LMX1B: variants seen among roughly 807,000 people sequenced by gnomAD.
The protein encoded by LMX1B is LIM homeobox transcription factor 1-beta.
Under a neutral mutation model 51.4 loss-of-function variants are expected in LMX1B, and 12 were observed. The ratio of observed to expected loss-of-function variants is 0.23; its 90% CI spans 0.15 to 0.38. LMX1B has a LOEUF of 0.38. LMX1B is among the 10% of genes least tolerant of loss of function. The probability of loss-of-function intolerance (pLI) is 1.00; values close to 1 mark genes in which losing one functional copy is unlikely to be tolerated. For missense variants in LMX1B, 445 were observed against 571.1 expected (o/e 0.78, Z 2.25); for synonymous variants, 237 against 235.4 (o/e 1.01, Z -0.06).
chr9:126,637,951 G>A (rs373390889), intron 2 of LMX1B, among the ~76,000 whole-genome samples: 2 of 150,934 alleles, frequency 1.3e-5, no homozygotes, highest in South Asian at 2.1e-4. Flanking sequence ...GGCCCCCTCC[G>A]ACCATGGGCC....
At chr9:126,678,249 G>T (rs1452338264) in intron 2 of LMX1B, among the ~76,000 whole-genome samples, 1 of 151,110 alleles carries the variant, frequency 6.6e-6, no homozygotes, top group Non-Finnish European at 1.5e-5. Flanking sequence ...GGTGGAGCTT[G>T]CAGTGAGCCA....
chr9:126,625,779 C>A lies in LMX1B; in HGVS notation c.326+10210C>A, dbSNP rs962776708. On this transcript the variant is annotated intron_variant, in intron 2 of 7. Coordinates refer to ENST00000373474, the MANE Select transcript of LMX1B (RefSeq NM_001174147.2). The surrounding 1 kb of genome is among the most constrained non-coding windows in gnomAD (Gnocchi z 5.3). ...CGGCGCTCTGGCCGCAGAGACCCAG[C>A]CCTGTCTGCCGACTGGCCCTTCGAC... 6.6e-5 allele frequency among the ~76,000 whole-genome samples: 10 copies of A among 152,232 alleles called. No individual in the cohort carries two copies. The highest frequency in any genetic ancestry group is 1.3e-4 in the Non-Finnish European group (9 of 68,034).
Position 126,618,557 on chromosome 9 carries a change from G to C in LMX1B, c.326+2988G>C, listed in dbSNP as rs1043741159. On this transcript the variant is annotated intron_variant, in intron 2 of 7. Transcript: ENST00000373474. This position sits in a 1 kb window ranked among gnomAD's most constrained non-coding sequence, Gnocchi z 4.5. Reference sequence around the variant, plus strand: ...AAAAAAAAGAAAAAGCAGCCTTTTCGGACAGAAAACCAGTTAGGAAACGGA... The same window carrying C: ...AAAAAAAAGAAAAAGCAGCCTTTTCCGACAGAAAACCAGTTAGGAAACGGA... Among the ~76,000 whole-genome samples the C allele has an allele frequency of 5.9e-5, 9 of 152,224 alleles. No individual in the cohort carries two copies. Among genetic ancestry groups the C allele is most frequent in the Middle Eastern group, 3.4e-3 (1 of 294 alleles).
chr9:126,650,351 C>T (rs62578137), intron 2 of LMX1B, among the ~76,000 whole-genome samples: 21,733 of 152,180 alleles, frequency 0.14, 1,943 homozygotes, highest in Middle Eastern at 0.24. Flanking sequence ...TCTGGGAAGC[C>T]GAGACCAGAG....
At chr9:126,614,679 A>G in intron 1 of LMX1B, 91 bp downstream of exon 1, 1 of 1,332,238 alleles carries the variant, frequency 7.5e-7, no homozygotes, top group South Asian at 1.6e-5. Context: ...CAACGGATAA[A>G]GGAAATGGGT....
intron 3 of LMX1B, among the ~76,000 whole-genome samples, chr9:126,691,611 A>C (rs1588305954): frequency 6.7e-6 from 1 of 148,802 alleles, no homozygotes; most frequent in African/African-American, 2.5e-5. Context: ...TCTCTGGCCC[A>C]CCCCCCTTAC....
At chr9:126,627,656 C>G (rs981838090) in intron 2 of LMX1B, among the ~76,000 whole-genome samples, 12 of 152,080 alleles carry the variant, frequency 7.9e-5, no homozygotes, top group Non-Finnish European at 1.5e-5. Context: ...CAGGGCCTGG[C>G]CTTCTGCGTG....
chr9:126,686,279 C>CA (rs5900718), intron 2 of LMX1B, among the ~76,000 whole-genome samples: 2,013 of 93,706 alleles, frequency 0.021, 69 homozygotes, highest in African/African-American at 0.073. Context: ...GACTCCATCT[C>CA]AAAAAAAAAA....
At chr9:126,689,549 A>G (rs1301997990) in intron 2 of LMX1B, among the ~76,000 whole-genome samples, 1 of 152,198 alleles carries the variant, frequency 6.6e-6, no homozygotes, top group East Asian at 1.9e-4. Flanking sequence ...TTTTTCCATC[A>G]AAGTGTTGTT....
In LMX1B at chr9:126,618,037, T is replaced by A. The variant is rs959685299; in HGVS notation, c.326+2468T>A. On this transcript the variant is annotated intron_variant, in intron 2 of 7. Coordinates refer to ENST00000373474, the MANE Select transcript of LMX1B (RefSeq NM_001174147.2). The surrounding 1 kb of genome is among the most constrained non-coding windows in gnomAD (Gnocchi z 4.5). The stretch of plus-strand genomic sequence containing the variant: ...AGGGATGTTCTTTGCACAATAAAAA[T>A]TTTTTTATTCACATTTCTTTTTTTC... Among the ~76,000 whole-genome samples the A allele has an allele frequency of 2.6e-5, 4 of 152,224 alleles. No homozygotes were observed. Among genetic ancestry groups the A allele is most frequent in the South Asian group, 4.1e-4 (2 of 4,820 alleles).
At chr9:126,642,959 C>T (rs1279665764) in intron 2 of LMX1B, among the ~76,000 whole-genome samples, 2 of 152,192 alleles carry the variant, frequency 1.3e-5, no homozygotes, top group Non-Finnish European at 2.9e-5. Context: ...CTCTTCCCAC[C>T]CCCAGTCAGT....
chr9:126,628,632 T>C (rs1835576771), intron 2 of LMX1B, among the ~76,000 whole-genome samples: 1 of 152,244 alleles, frequency 6.6e-6, no homozygotes, highest in African/African-American at 2.4e-5. Flanking sequence ...TACCCCGCCT[T>C]GACTGATAGT....
chr9:126,663,615 T>G (rs952699214), intron 2 of LMX1B, among the ~76,000 whole-genome samples: 3 of 152,210 alleles, frequency 2.0e-5, no homozygotes, highest in Non-Finnish European at 4.4e-5. Context: ...CATACGATGT[T>G]TGGAGTAGTG....
rs1359473203 is a variant in LMX1B, at chr9:126,697,861, T to TTTG, written c.*1413_*1415dup. The TTTG allele has an allele frequency of 2.0e-5, 3 of 153,434 alleles. No individual in the cohort carries two copies. Among genetic ancestry groups the TTTG allele is most frequent in the African/African-American group, 7.6e-5 (3 of 39,288 alleles). 9.5% of individuals were successfully genotyped at this position (153,434 alleles called of 1,614,324 possible). A position where few individuals can be genotyped will look rare whatever the true frequency, so the allele number is the denominator to read the frequency against. The stretch of plus-strand genomic sequence containing the variant: ...ACTGTTTTGTTTTGTTTTGTTTTGT[T>TTTG]TTGTTTTGTTTTGTTTTGTTTTGTT... On this transcript the variant is annotated 3_prime_UTR_variant, in exon 8 of 8. Transcript: ENST00000373474.
At position 126,626,057 on chromosome 9, in the gene LMX1B, G is replaced by A. The variant is rs543908287; in HGVS notation, c.326+10488G>A. On this transcript the variant is annotated intron_variant, in intron 2 of 7. Transcript: ENST00000373474. The surrounding 1 kb of genome is among the most constrained non-coding windows in gnomAD (Gnocchi z 4.3). ...TTGCTCCCCTCATGGACATGGGGGT[G>A]GGGAGCTCGTGGGGTTTCAGCCCAA... Among the ~76,000 whole-genome samples, 71 of 152,250 alleles carry A rather than the reference G, an allele frequency of 4.7e-4. No individual in the cohort carries two copies. The highest frequency in any genetic ancestry group is 8.5e-4 in the Non-Finnish European group (58 of 68,040).
chr9:126,695,848 C>T lies in LMX1B; in HGVS notation c.896C>T (p.Ser299Phe). ...NSQRLGQEVL[S>F]SRMEGMMASY... ...CTCACTGTGCCCCCAGAGGTCCTGT[C>T]CAGCCGCATGGAGGGCATGATGGCT... Residue 299 changes from serine (S) to phenylalanine (F), a missense_variant, in exon 7 of 8, where the codon TCC (serine) becomes TTC (phenylalanine). This residue lies in a region of LMX1B where 162 missense variants were observed against 187.8 expected (regional missense o/e 0.86). Coordinates refer to ENST00000373474, the MANE Select transcript of LMX1B (RefSeq NM_001174147.2). This position sits in a 1 kb window ranked among gnomAD's most constrained non-coding sequence, Gnocchi z 5.2. 2 of 1,612,964 alleles carry T rather than the reference C, an allele frequency of 1.2e-6. No individual in the cohort carries two copies.
intron 2 of LMX1B, among the ~76,000 whole-genome samples, chr9:126,667,364 C>T (rs1047857143): frequency 2.6e-5 from 4 of 152,240 alleles, no homozygotes; most frequent in African/African-American, 7.2e-5. Flanking sequence ...ATTTATGAAC[C>T]CATTTCCCTA....
At chr9:126,627,134 G>A (rs1037364678) in intron 2 of LMX1B, among the ~76,000 whole-genome samples, 1 of 152,190 alleles carries the variant, frequency 6.6e-6, no homozygotes, top group Non-Finnish European at 1.5e-5. Flanking sequence ...GGAGCCTGAT[G>A]TGCCTGGTCA....
At chr9:126,652,300 G>T (rs1021375066) in intron 2 of LMX1B, among the ~76,000 whole-genome samples, 4 of 150,524 alleles carry the variant, frequency 2.7e-5, no homozygotes, top group Non-Finnish European at 5.9e-5. Context: ...AGGAGAAGGG[G>T]GGGGGGATTT....
Sources: gnomAD v4.1 joint callset for allele counts (sites outside exome capture counted in the v4.1 genomes callset) on GRCh38, gnomAD v4.1.1 for gene constraint, gnomAD v4.1.1 regional missense constraint, Gnocchi (gnomAD v3.1) non-coding constraint, MANE v1.5 for transcripts, NCBI Gene and HGNC (gene_info 2026-07-23, HGNC 2026-07-21) for gene names.